Variants in ABCA3 observed in about 807,000 individuals in gnomAD.
ABCA3 encodes the protein phospholipid-transporting ATPase ABCA3.
In ABCA3, 88 loss-of-function variants were observed where a neutral mutation model predicts 172.8. The ratio of observed to expected loss-of-function variants is 0.51; its 90% CI spans 0.43 to 0.61. The LOEUF is 0.61. Among genes scored for constraint, ABCA3 ranks in the 20% least tolerant of loss-of-function variants. The pLI, the probability that ABCA3 is intolerant of heterozygous loss-of-function variation, is 0.00. For synonymous variants in ABCA3, 1,066 were observed against 983.8 expected, an observed-to-expected ratio of 1.08 and a Z score of -1.56; for missense variants, 2,164 against 2,301.0, an observed-to-expected ratio of 0.94 and a Z score of 1.22.
intron 12 of ABCA3, 73 bp from the exon 13 acceptor site, chr16:2,300,221 G>A (rs1024672075): frequency 6.3e-7 from 1 of 1,595,964 alleles, no homozygotes; most frequent in Non-Finnish European, 8.6e-7. Flanking sequence ...AGACACACTA[G>A]ATGCACACAG....
At chr16:2,303,330 T>C (rs1000744361) in intron 12 of ABCA3, among the ~76,000 whole-genome samples, 2 of 151,416 alleles carry the variant, frequency 1.3e-5, no homozygotes, top group African/African-American at 4.9e-5. Context: ...GGCGCGATCT[T>C]GGCTCACTGC....
At chr16:2,292,756 C>T (rs893726309) in intron 18 of ABCA3, among the ~76,000 whole-genome samples, 11 of 151,980 alleles carry the variant, frequency 7.2e-5, no homozygotes, top group African/African-American at 2.4e-4. Context: ...TCTGTCTCTA[C>T]TAAAATAAAT....
chr16:2,305,133 T>G (rs989815235), intron 11 of ABCA3, among the ~76,000 whole-genome samples: 13 of 150,882 alleles, frequency 8.6e-5, no homozygotes, highest in African/African-American at 3.2e-4. Flanking sequence ...TTTATTTGTT[T>G]ATTATTTTTT....
chr16:2,321,894 G>A (rs771100944), intron 7 of ABCA3, among the ~76,000 whole-genome samples: 9 of 152,116 alleles, frequency 5.9e-5, no homozygotes, highest in Non-Finnish European at 1.2e-4. Flanking sequence ...GAACTCAAAC[G>A]GGAGCTTTTA....
rs1372720567 is a variant in ABCA3, at chr16:2,297,163, C to T, written c.2263+166G>A. 6.6e-6 allele frequency among the ~76,000 whole-genome samples: 1 copy of T among 152,144 alleles called. No individual in the cohort carries two copies. Among genetic ancestry groups the T allele is most frequent in the African/African-American group, 2.4e-5 (1 of 41,436 alleles). ...GCTCCATTTCCTGCCTCTTCCCTCT[C>T]ACAAGCCCCCCTGCCTGGTTGGGCT... is the stretch of plus-strand genomic sequence containing the variant. On this transcript the variant is annotated intron_variant, in intron 17 of 32. Transcript: ENST00000301732. This position sits in a 1 kb window ranked among gnomAD's most constrained non-coding sequence, Gnocchi z 5.6.
intron 1 of ABCA3, chr16:2,332,756 G>T: frequency 9.9e-7 from 1 of 1,010,850 alleles, no homozygotes; most frequent in Non-Finnish European, 1.5e-6. Flanking sequence ...TTTATTTGTG[G>T]TTTGCAGGTA....
chr16:2,290,678 C>G (rs1403379082), intron 19 of ABCA3, among the ~76,000 whole-genome samples: 1 of 152,190 alleles, frequency 6.6e-6, no homozygotes, highest in African/African-American at 2.4e-5. Flanking sequence ...CTGTGTGGGA[C>G]ACAGGTCAGC....
intron 32 of ABCA3, 126 bp from the exon 33 acceptor site, chr16:2,276,931 C>A (rs544222919): frequency 1.5e-6 from 2 of 1,370,830 alleles, no homozygotes; most frequent in Admixed American, 1.9e-5. Context: ...CAGCGCCACC[C>A]CAGAGCCCCA....
chr16:2,316,339 A>T (rs1438017673), intron 10 of ABCA3, among the ~76,000 whole-genome samples: 1 of 147,338 alleles, frequency 6.8e-6, no homozygotes, highest in African/African-American at 2.5e-5. Flanking sequence ...AAGAAAAGAA[A>T]AAAAGAAAAG....
At position 2,279,052 on chromosome 16, in the gene ABCA3, A is replaced by T; in HGVS notation, c.4438T>A (p.Tyr1480Asn). The T allele has an allele frequency of 6.2e-7, 1 of 1,613,408 alleles. No homozygotes were observed. The highest frequency in any genetic ancestry group is 8.5e-7 in the Non-Finnish European group (1 of 1,180,040). The change falls in exon 29 of 33, where the codon TAC becomes AAC. Residue 1480 changes from tyrosine to asparagine, a missense_variant. Coordinates refer to ENST00000301732, the MANE Select transcript of ABCA3 (RefSeq NM_001089.3). This position sits in a 1 kb window ranked among gnomAD's most constrained non-coding sequence, Gnocchi z 4.4. The stretch of plus-strand genomic sequence containing the variant: ...TCAGGGATGCCCCGGAGCCGAGCGT[A>T]CATGACCAGCATCTCCCGGCCTGTC... ...HMTGREMLVM[Y>N]ARLRGIPERH...
chr16:2,300,621 C>T (rs1292032650), intron 12 of ABCA3, among the ~76,000 whole-genome samples: 5 of 152,230 alleles, frequency 3.3e-5, no homozygotes, highest in African/African-American at 1.2e-4. Context: ...GAAGCCTCTT[C>T]CCATCTTCTC....
rs2093646381 is a variant in ABCA3, at chr16:2,276,392, C to T, written c.*282G>A. 1 of 575,914 alleles carries T rather than the reference C, an allele frequency of 1.7e-6. No individual in the cohort carries two copies. The highest frequency in any genetic ancestry group is 1.8e-5 in the African/African-American group (1 of 54,064). 35.7% of individuals were successfully genotyped at this position (575,914 alleles called of 1,614,324 possible). A position where few individuals can be genotyped will look rare whatever the true frequency, so the allele number is the denominator to read the frequency against. ...CTGCAGCCCTTCCTGGGTCAGCTCT[C>T]CACCCAGAGACCCCGGAGCTTGCCC... is the stretch of plus-strand genomic sequence containing the variant. On this transcript the variant is annotated 3_prime_UTR_variant, in exon 33 of 33. Coordinates refer to ENST00000301732, the MANE Select transcript of ABCA3 (RefSeq NM_001089.3).
chr16:2,290,074 G>A (rs1278798680), intron 19 of ABCA3, among the ~76,000 whole-genome samples: 1 of 151,786 alleles, frequency 6.6e-6, no homozygotes, highest in Non-Finnish European at 1.5e-5. Context: ...CCCCCCGGCT[G>A]GCTTAGCAAC....
chr16:2,337,206 T>A (rs999552913), intron 1 of ABCA3, among the ~76,000 whole-genome samples: 9 of 151,900 alleles, frequency 5.9e-5, no homozygotes, highest in Non-Finnish European at 1.2e-4. Flanking sequence ...TGAGCCACCA[T>A]GTCTGTCTGG....
Position 2,276,533 on chromosome 16 carries a change from A to G in ABCA3, c.*141T>C. 2 of 1,393,998 alleles carry G rather than the reference A, an allele frequency of 1.4e-6. No individual in the cohort carries two copies. Among genetic ancestry groups the G allele is most frequent in the Non-Finnish European group, 1.9e-6 (2 of 1,029,466 alleles). 86.4% of individuals were successfully genotyped at this position (1,393,998 alleles called of 1,614,324 possible). ...TGGGCTGCACTCGTCCATTCTGTGCATACTGCCTTGAATTTTTCATATCCA... is the reference window on the plus strand; with the variant it reads ...TGGGCTGCACTCGTCCATTCTGTGCGTACTGCCTTGAATTTTTCATATCCA... On this transcript the variant is annotated 3_prime_UTR_variant, in exon 33 of 33. Coordinates refer to ENST00000301732, the MANE Select transcript of ABCA3 (RefSeq NM_001089.3).
chr16:2,317,270 G>A lies in ABCA3; in HGVS notation c.1111+13C>T. The A allele has an allele frequency of 1.9e-6, 3 of 1,613,738 alleles. No homozygotes were observed. The highest frequency in any genetic ancestry group is 2.2e-5 in the South Asian group (2 of 90,984). On this transcript the variant is annotated intron_variant, in intron 10 of 32. Coordinates refer to ENST00000301732, the MANE Select transcript of ABCA3 (RefSeq NM_001089.3). ...CCTTGGCAACCCCACTCTGCCCCAT[G>A]ACTGGGGCTCACCTTTGCTGAAGAA... is the stretch of plus-strand genomic sequence containing the variant.
rs374908506 is a variant in ABCA3 at position 2,299,472 on chromosome 16, C to T, written c.1672G>A (p.Glu558Lys). The change falls in exon 14 of 33, where the codon GAG becomes AAG. Residue 558 changes from glutamate (E) to lysine (K), a missense_variant. Physicochemically the swap from Glu to Lys is moderately conservative, Grantham distance 56 (BLOSUM62 1). Coordinates refer to ENST00000301732, the MANE Select transcript of ABCA3 (RefSeq NM_001089.3). ...AVRDLNLNLY[E>K]GQITVLLGHN... Reference sequence around the variant, plus strand: ...CCCAGCAGGACGGTGATCTGTCCCTCGTACAGGTTGAGGTTCAGGTCTCTG... The same window carrying T: ...CCCAGCAGGACGGTGATCTGTCCCTTGTACAGGTTGAGGTTCAGGTCTCTG... 2.0e-5 allele frequency: 33 copies of T among 1,613,890 alleles called. No homozygotes were observed. In the East Asian group the frequency reaches 2.7e-4, roughly 13 times the overall value.
At chr16:2,280,026 G>A (rs183960321) in intron 28 of ABCA3, among the ~76,000 whole-genome samples, 3 of 152,318 alleles carry the variant, frequency 2.0e-5, no homozygotes, top group African/African-American at 4.8e-5. Flanking sequence ...TGGGATTATA[G>A]GCGTGAGCCA....
rs779091004 is a variant in ABCA3, at chr16:2,308,517, G to C, written c.1218C>G (p.Cys406Trp). The C allele has an allele frequency of 2.5e-6, 4 of 1,614,136 alleles. No individual in the cohort carries two copies. The highest frequency in any genetic ancestry group is 3.4e-6 in the Non-Finnish European group (4 of 1,180,056). Residue 406 changes from cysteine (C) to tryptophan (W), a missense_variant, in exon 11 of 33, where the codon TGC (cysteine) becomes TGG (tryptophan). Physicochemically the swap from Cys to Trp is radical, Grantham distance 215 (BLOSUM62 -2). Coordinates refer to ENST00000301732, the MANE Select transcript of ABCA3 (RefSeq NM_001089.3). ...TGGCGACATTAGACAGGAGGCAGGA[G>C]CAGAGCTTCTGGCTCAGAGTCATCC... ...YNWMTLSQKL[C>W]SCLLSNVAMA...
Sources: allele counts gnomAD v4.1 joint callset (sites outside exome capture counted in the v4.1 genomes callset), GRCh38; gene constraint gnomAD v4.1.1; non-coding constraint Gnocchi (gnomAD v3.1); transcripts MANE v1.5; gene names NCBI Gene and HGNC (gene_info 2026-07-23, HGNC 2026-07-21).